C1orf116: variants seen among roughly 807,000 people sequenced by gnomAD.
C1orf116 encodes the protein specifically androgen-regulated gene protein.
C1orf116 carries 12 observed loss-of-function variants against 14.1 expected under a neutral mutation model. The observed-to-expected ratio is 0.85, with a 90% CI of 0.54 to 1.38. C1orf116 has a LOEUF of 1.38. C1orf116 is among the 40% of genes most tolerant of loss of function. C1orf116 has a pLI of 0.00. For synonymous variants in C1orf116, 296 were observed against 299.0 expected, an observed-to-expected ratio of 0.99 and a Z score of 0.10; for missense variants, 797 against 747.0, an observed-to-expected ratio of 1.07 and a Z score of -0.78.
Position 207,022,029 on chromosome 1 carries a change from TCTTGACA to T in C1orf116, c.1728_1734del (p.Ser576ArgfsTer16). 1.9e-6 allele frequency: 3 copies of T among 1,589,182 alleles called. No individual in the cohort carries two copies. The highest frequency in any genetic ancestry group is 1.7e-6 in the Non-Finnish European group (2 of 1,169,390). On this transcript the variant is annotated frameshift_variant, in exon 4 of 4. Coordinates refer to ENST00000359470, the MANE Select transcript of C1orf116 (RefSeq NM_023938.6). LOFTEE classifies it high-confidence loss of function. ...TCATTGGGGACACCCTTTGGGGAGA[TCTTGACA>T]CTGACACAGGGGGGGCGAGGAAGCT...
intron 3 of C1orf116, 115 bp downstream of exon 3, chr1:207,024,772 C>G (rs1486955137): frequency 9.9e-6 from 13 of 1,307,830 alleles, no homozygotes; most frequent in Non-Finnish European, 1.4e-5. Context: ...TGTGGCTACA[C>G]CTTCTTCTGC....
intron 2 of C1orf116, among the ~76,000 whole-genome samples, 189 bp from the exon 3 acceptor site, chr1:207,025,253 C>G (rs1682044474): frequency 6.6e-6 from 1 of 152,194 alleles, no homozygotes; most frequent in African/African-American, 2.4e-5. Flanking sequence ...CTCTGCAAAG[C>G]TGCTGGAGTT....
rs755460908 is a variant in C1orf116 at position 207,022,832 on chromosome 1, C to T, written c.932G>A (p.Arg311Gln). The change falls in exon 4 of 4, where the codon CGA (arginine) becomes CAA (glutamine). Residue 311 changes from arginine to glutamine, a missense_variant. Physicochemically the swap from Arg to Gln is conservative, Grantham distance 43. Transcript: ENST00000359470. ...LPPNIVLKSS[R>Q]SSFHSDPQHW... ...CTGGGGGTCACTGTGGAAACTGCTT[C>T]GGCTGCTCTTCAGAACAATATTAGG... 61 of 1,613,896 alleles carry T rather than the reference C, an allele frequency of 3.8e-5. No homozygotes were observed. The highest frequency in any genetic ancestry group is 1.0e-4 in the Admixed American group (6 of 60,004).
Position 207,018,956 on chromosome 1 carries a change from A to T in C1orf116, c.*3002T>A, listed in dbSNP as rs1295658300. 6.6e-6 allele frequency: 1 copy of T among 151,988 alleles called. No individual in the cohort carries two copies. Among genetic ancestry groups the T allele is most frequent in the Non-Finnish European group, 1.5e-5 (1 of 68,012 alleles). The allele number at this position is 151,988 out of a possible 1,614,324, so 9.4% of individuals were successfully genotyped here. On this transcript the variant is annotated 3_prime_UTR_variant, in exon 4 of 4. Transcript: ENST00000359470. ...TCTCACACACTCACAGACCATGTAG[A>T]CTATTCAATCTACACCTCCAGCTCG...
chr1:207,032,713 A>G lies in C1orf116; in HGVS notation c.-216T>C. ...TGAGCTCCTCCTGACTTACCTAGAT[A>G]GGTAAATGCTTCATCTGTGCTGCCT... On this transcript the variant is annotated 5_prime_UTR_variant, in exon 1 of 4. Transcript: ENST00000359470. 1.0e-6 allele frequency: 1 copy of G among 985,396 alleles called. No individual in the cohort carries two copies. Among genetic ancestry groups the G allele is most frequent in the Non-Finnish European group, 1.2e-6 (1 of 829,966 alleles). The allele number at this position is 985,396 out of a possible 1,614,324, so 61.0% of individuals were successfully genotyped here.
chr1:207,021,698 A>G lies in C1orf116; in HGVS notation c.*260T>C, dbSNP rs2102295876. The G allele has an allele frequency of 2.9e-6, 1 of 342,974 alleles. No individual in the cohort carries two copies. The allele number at this position is 342,974 out of a possible 1,614,324, so 21.2% of individuals were successfully genotyped here. The stretch of plus-strand genomic sequence containing the variant: ...AACAGTGACTCATTGTGTTATATCA[A>G]TAGCTTCAGTGATGTATCCAGCGGC... On this transcript the variant is annotated 3_prime_UTR_variant, in exon 4 of 4. Coordinates refer to ENST00000359470, the MANE Select transcript of C1orf116 (RefSeq NM_023938.6).
rs140011216 is a variant in C1orf116 at position 207,025,803 on chromosome 1, G to A, written c.106-739C>T. Among the ~76,000 whole-genome samples, 913 of 152,310 alleles carry A rather than the reference G, an allele frequency of 6.0e-3. 6 individuals carry two copies. The highest frequency in any genetic ancestry group is 0.011 in the Non-Finnish European group (760 of 68,030). ...TCTAAAGCAAATATTAACTTAAAGG[G>A]GGAGGTTGGTGGAGAAACTGGATGG... On this transcript the variant is annotated intron_variant, in intron 2 of 3. Transcript: ENST00000359470.
intron 2 of C1orf116, 127 bp from the exon 3 acceptor site, chr1:207,025,191 C>A: frequency 1.5e-6 from 1 of 685,454 alleles, no homozygotes. Context: ...CTGAGAACCA[C>A]CCTGCAGAGA....
rs368001567 is a variant in C1orf116 at position 207,023,462 on chromosome 1, A to G, written c.302T>C (p.Ile101Thr). The G allele has an allele frequency of 1.6e-4, 257 of 1,612,086 alleles. No individual in the cohort carries two copies. The highest frequency in any genetic ancestry group is 2.0e-4 in the Non-Finnish European group (231 of 1,179,196). ...CCTTGGCGTTCGTCCTTGCTGAGTG[A>G]TGGTCTCCTCTGGACCTCCTGTGAG... ...PTPRGGPEET[I>T]TQQGRTPRTV... is the part of the protein sequence containing the mutation. Residue 101 changes from isoleucine (I) to threonine (T), a missense_variant, in exon 4 of 4, where the codon ATC (isoleucine) becomes ACC (threonine). Coordinates refer to ENST00000359470, the MANE Select transcript of C1orf116 (RefSeq NM_023938.6).
In C1orf116 at chr1:207,018,886, C is replaced by T. The variant is rs112540887; in HGVS notation, c.*3072G>A. 616 of 152,426 alleles carry T rather than the reference C, an allele frequency of 4.0e-3. 1 individual carries two copies. The highest frequency in any genetic ancestry group is 7.5e-3 in the Non-Finnish European group (514 of 68,118). 9.4% of individuals were successfully genotyped at this position (152,426 alleles called of 1,614,324 possible). A position where few individuals can be genotyped will look rare whatever the true frequency, so the allele number is the denominator to read the frequency against. On this transcript the variant is annotated 3_prime_UTR_variant, in exon 4 of 4. Coordinates refer to ENST00000359470, the MANE Select transcript of C1orf116 (RefSeq NM_023938.6). ...CACACTGACAGGAGGGTCCTTCCTT[C>T]TTAGCCTACACATACAACCAGGTGT...
Position 207,027,516 on chromosome 1 carries a change from C to A in C1orf116, c.83G>T (p.Ser28Ile). Residue 28 changes from serine to isoleucine, a missense_variant, in exon 2 of 4, where the codon AGC becomes ATC. By Grantham distance (142) the Ser-to-Ile change is moderately radical (BLOSUM62 -2). Coordinates refer to ENST00000359470, the MANE Select transcript of C1orf116 (RefSeq NM_023938.6). The part of the protein sequence containing the change: ...RVGSCDSMMS[S>I]TSTRSGSSDS... ...TACAGATCCAGAGCGGGTGGAGGTG[C>A]TGCTCATCATGCTGTCACAGCTGCC... is the stretch of plus-strand genomic sequence containing the variant. The A allele has an allele frequency of 1.2e-6, 2 of 1,613,896 alleles. No individual in the cohort carries two copies. Among genetic ancestry groups the A allele is most frequent in the Non-Finnish European group, 1.7e-6 (2 of 1,180,000 alleles).
At position 207,019,317 on chromosome 1, in the gene C1orf116, G is replaced by A. The variant is rs1451822295; in HGVS notation, c.*2641C>T. On this transcript the variant is annotated 3_prime_UTR_variant, in exon 4 of 4. Coordinates refer to ENST00000359470, the MANE Select transcript of C1orf116 (RefSeq NM_023938.6). The stretch of plus-strand genomic sequence containing the variant: ...GAGAGGCCACTCCTGTATTTGGCAG[G>A]TGGCTTGTGCCCAGTGGCATCAAGG... 1 of 152,282 alleles carries A rather than the reference G, an allele frequency of 6.6e-6. No homozygotes were observed. Among genetic ancestry groups the A allele is most frequent in the Admixed American group, 6.5e-5 (1 of 15,286 alleles). 9.4% of individuals were successfully genotyped at this position (152,282 alleles called of 1,614,324 possible).
In C1orf116 at chr1:207,024,982, G is replaced by A. The variant is rs374635590; in HGVS notation, c.188C>T (p.Thr63Met). 56 of 1,613,492 alleles carry A rather than the reference G, an allele frequency of 3.5e-5. 1 individual carries two copies. Among genetic ancestry groups the A allele is most frequent in the South Asian group, 3.2e-4 (29 of 91,068 alleles). ...AGTGGACAGTCCGCTGTCAGCCTCC[G>A]TGTCCAGTGAGCCAATGGTCTCCTC... ...FLEETIGSLD[T>M]EADSGLSTDE... Residue 63 changes from threonine to methionine, a missense_variant, in exon 3 of 4, where the codon ACG becomes ATG. Physicochemically the swap from Thr to Met is moderately conservative, Grantham distance 81. Transcript: ENST00000359470.
At position 207,022,375 on chromosome 1, in the gene C1orf116, C is replaced by T. The variant is rs779919436; in HGVS notation, c.1389G>A (p.Gly463=). The change falls in exon 4 of 4, where the codon GGG becomes GGA. Residue 463 remains glycine, a synonymous_variant. Transcript: ENST00000359470. ...GGGTGTTGCTCTCCTGGAGAGTCAG[C>T]CCTGACTCTGGCTTCGGTGGAGTCA... ...SALTPPKPES[G]LTLQESNTPG... 9.9e-6 allele frequency: 16 copies of T among 1,613,894 alleles called. No individual in the cohort carries two copies. Among genetic ancestry groups the T allele is most frequent in the Admixed American group, 3.3e-5 (2 of 59,992 alleles).
Position 207,022,006 on chromosome 1 carries a change from A to C in C1orf116, c.1758T>G (p.Asn586Lys), listed in dbSNP as rs374863194. The change falls in exon 4 of 4, where the codon AAT becomes AAG. Residue 586 changes from asparagine (N) to lysine (K), a missense_variant. Coordinates refer to ENST00000359470, the MANE Select transcript of C1orf116 (RefSeq NM_023938.6). ...SVKISPKGVPNEHRREALKKL... is the reference protein window; with the variant it reads ...SVKISPKGVPKEHRREALKKL... ...TCTTCAGGGCCTCCCTTCTGTGTTC[A>C]TTGGGGACACCCTTTGGGGAGATCT... The C allele has an allele frequency of 1.3e-6, 2 of 1,558,142 alleles. No individual in the cohort carries two copies. The highest frequency in any genetic ancestry group is 8.7e-7 in the Non-Finnish European group (1 of 1,155,972).
chr1:207,024,861 G>GT (rs1558044893), intron 3 of C1orf116, 26 bp downstream of exon 3: 1 of 1,597,120 alleles, frequency 6.3e-7, no homozygotes, highest in Non-Finnish European at 8.6e-7. Context: ...TTTTGCTGGG[G>GT]TTCCACCCCA....
At chr1:207,026,306 GT>G (rs1682070896) in intron 2 of C1orf116, among the ~76,000 whole-genome samples, 1 of 152,216 alleles carries the variant, frequency 6.6e-6, no homozygotes, top group South Asian at 2.1e-4. Flanking sequence ...GACGCCAAGA[GT>G]TTCTTGAAGA....
chr1:207,028,821 T>A (rs765910782), intron 1 of C1orf116, among the ~76,000 whole-genome samples: 21 of 152,202 alleles, frequency 1.4e-4, no homozygotes, highest in Admixed American at 2.6e-4. Context: ...AGAATTAAGA[T>A]GAAAAGACAG....
chr1:207,031,541 C>T (rs543876895), intron 1 of C1orf116, among the ~76,000 whole-genome samples: 9 of 152,264 alleles, frequency 5.9e-5, no homozygotes, highest in Admixed American at 1.3e-4. Flanking sequence ...GAGGGCTTCC[C>T]ACTTCCCTCT....
Sources: gnomAD v4.1 joint callset for allele counts (sites outside exome capture counted in the v4.1 genomes callset) on GRCh38, gnomAD v4.1.1 for gene constraint, MANE v1.5 for transcripts, NCBI Gene and HGNC (gene_info 2026-07-23, HGNC 2026-07-21) for gene names.